The following EEF1AKMT2 variants were observed in gnomAD, a reference collection of about 807,000 sequenced individuals.
The protein encoded by EEF1AKMT2 is EEF1A lysine methyltransferase 2, also known as eukaryotic translation elongation factor 1 alpha lysine methyltransferase 2.
EEF1AKMT2 carries 32 observed loss-of-function variants against 35.8 expected under a neutral mutation model. That is an observed-to-expected ratio of 0.89 (90% CI 0.67 to 1.20). The LOEUF (loss-of-function observed/expected upper bound fraction) is 1.20. EEF1AKMT2 is among the 50% of genes most tolerant of loss of function. The pLI is 0.00. For synonymous variants in EEF1AKMT2, 121 were observed against 133.7 expected (o/e 0.91, Z 0.65); for missense variants, 330 against 347.5 (o/e 0.95, Z 0.40).
At chr10:124,789,759 CTAAAA>C (rs912732729) in intron 2 of EEF1AKMT2, among the ~76,000 whole-genome samples, 1 of 133,042 alleles carries the variant, frequency 7.5e-6, no homozygotes, top group African/African-American at 3.4e-5. Flanking sequence ...CCCCACCTCT[CTAAAA>C]AAAAAAAAAA....
chr10:124,774,330 G>A (rs1230131501), intron 4 of EEF1AKMT2, among the ~76,000 whole-genome samples: 2 of 114,568 alleles, frequency 1.7e-5, no homozygotes, highest in South Asian at 6.1e-4. Flanking sequence ...TGGCGCCACC[G>A]CACTCCAGCC....
At chr10:124,785,986 C>T (rs1033136940) in intron 3 of EEF1AKMT2, among the ~76,000 whole-genome samples, 3 of 150,422 alleles carry the variant, frequency 2.0e-5, no homozygotes, top group Non-Finnish European at 4.4e-5. Flanking sequence ...TAGAGAAATG[C>T]AAATTAAAAC....
Position 124,788,710 on chromosome 10 carries a change from T to TTTTATATATA in EEF1AKMT2, c.291+332_291+333insTATATATAAA, listed in dbSNP as rs1414544581. ...CTACTGGAATTGCAAAAGGTCATCT[T>TTTTATATATA]TATATATATATATATATATGCATTT... On this transcript the variant is annotated intron_variant, in intron 3 of 6. Coordinates refer to ENST00000368836, the MANE Select transcript of EEF1AKMT2 (RefSeq NM_212554.4). Among the ~76,000 whole-genome samples, 14 of 92,570 alleles carry TTTTATATATA rather than the reference T, an allele frequency of 1.5e-4. 1 individual carries two copies. Among genetic ancestry groups the TTTTATATATA allele is most frequent in the African/African-American group, 4.4e-4 (13 of 29,720 alleles). 60.7% of individuals were successfully genotyped at this position (92,570 alleles called of 152,430 possible).
At chr10:124,775,035 T>C (rs1950476887) in intron 3 of EEF1AKMT2, 1 of 179,132 alleles carries the variant, frequency 5.6e-6, no homozygotes, top group African/African-American at 2.3e-5. Flanking sequence ...TCAAAAATAA[T>C]GAAAATATAT....
intron 3 of EEF1AKMT2, among the ~76,000 whole-genome samples, chr10:124,782,396 C>A (rs1273155933): frequency 6.6e-6 from 1 of 151,864 alleles, no homozygotes; most frequent in East Asian, 1.9e-4. Flanking sequence ...TCCTGGCTAA[C>A]ACGGTGAAAC....
intron 4 of EEF1AKMT2, among the ~76,000 whole-genome samples, chr10:124,769,946 CAAAA>C (rs71484588): frequency 3.7e-4 from 22 of 60,212 alleles, no homozygotes; most frequent in Admixed American, 3.1e-3. Flanking sequence ...AACTCCATCT[CAAAA>C]AAAAAAAAAA....
chr10:124,764,405 A>G (rs746347978), intron 5 of EEF1AKMT2, among the ~76,000 whole-genome samples: 1 of 152,186 alleles, frequency 6.6e-6, no homozygotes, highest in Non-Finnish European at 1.5e-5. Context: ...CCTGTGCACT[A>G]CATAAAAAAC....
intron 5 of EEF1AKMT2, 86 bp downstream of exon 5, chr10:124,765,306 C>T: frequency 1.8e-6 from 2 of 1,116,278 alleles, no homozygotes; most frequent in Non-Finnish European, 1.3e-6. Flanking sequence ...AAAAGTAAAA[C>T]ACTATAACAC....
At position 124,762,521 on chromosome 10, in the gene EEF1AKMT2, G is replaced by A. The variant is rs1197641009; in HGVS notation, c.654C>T (p.Ala218=). Residue 218 remains alanine, a synonymous_variant, in exon 6 of 7, where the codon GCC becomes GCT. Coordinates refer to ENST00000368836, the MANE Select transcript of EEF1AKMT2 (RefSeq NM_212554.4). ...STVAGFWLTA[A]LTSWAQAIFS... is the part of the protein sequence containing the mutation. ...AGATCGCTTGAGCCCAGGAAGTCAA[G>A]GCTGCAGTGAGCCAAAATCCTGCCA... 3.1e-6 allele frequency: 4 copies of A among 1,273,048 alleles called. No homozygotes were observed. The highest frequency in any genetic ancestry group is 4.1e-6 in the Non-Finnish European group (4 of 969,408). The allele number at this position is 1,273,048 out of a possible 1,614,324, so 78.9% of individuals were successfully genotyped here.
chr10:124,759,135 A>C lies in EEF1AKMT2; in HGVS notation c.*1368T>G. On this transcript the variant is annotated 3_prime_UTR_variant, in exon 7 of 7. Coordinates refer to ENST00000368836, the MANE Select transcript of EEF1AKMT2 (RefSeq NM_212554.4). ...CTGAAAATCATCAAAAAATTATGCA[A>C]AAATTTGTATTTAGCTCCAATATTA... is the stretch of plus-strand genomic sequence containing the variant. 1 of 152,236 alleles carries C rather than the reference A, an allele frequency of 6.6e-6. No individual in the cohort carries two copies. Among genetic ancestry groups the C allele is most frequent in the East Asian group, 1.9e-4 (1 of 5,206 alleles). 9.4% of individuals were successfully genotyped at this position (152,236 alleles called of 1,614,324 possible). A position where few individuals can be genotyped will look rare whatever the true frequency, so the allele number is the denominator to read the frequency against.
At chr10:124,771,652 C>G (rs1950437597) in intron 4 of EEF1AKMT2, among the ~76,000 whole-genome samples, 1 of 151,912 alleles carries the variant, frequency 6.6e-6, no homozygotes, top group Admixed American at 6.6e-5. Context: ...GGCGGATCAC[C>G]AGGTCAGGAG....
chr10:124,760,869 G>T (rs965222853), intron 6 of EEF1AKMT2, among the ~76,000 whole-genome samples: 3 of 152,124 alleles, frequency 2.0e-5, no homozygotes, highest in Non-Finnish European at 4.4e-5. Context: ...GAGTTTTTTT[G>T]TTTGTTTGTT....
intron 3 of EEF1AKMT2, among the ~76,000 whole-genome samples, chr10:124,783,988 C>G (rs1316854843): frequency 6.6e-6 from 1 of 152,154 alleles, no homozygotes; most frequent in Non-Finnish European, 1.5e-5. Context: ...CCACGCCCAA[C>G]CAATTTTATA....
At chr10:124,761,861 G>A (rs780588526) in intron 6 of EEF1AKMT2, among the ~76,000 whole-genome samples, 45 of 152,220 alleles carry the variant, frequency 3.0e-4, no homozygotes, top group Non-Finnish European at 3.7e-4. Context: ...GATGGAGGCT[G>A]TGGTAAGCCG....
rs901670746 is a variant in EEF1AKMT2 at position 124,791,808 on chromosome 10, C to A, written c.26G>T (p.Gly9Val). Residue 9 changes from glycine to valine, a missense_variant, in exon 1 of 7, where the codon GGT (glycine) becomes GTT (valine). Physicochemically the swap from Gly to Val is moderately radical, Grantham distance 109. Coordinates refer to ENST00000368836, the MANE Select transcript of EEF1AKMT2 (RefSeq NM_212554.4). ...CGACCGCGCCGCCACCGCAGCGCCA[C>A]CGCCGCCGTCAGCGCCCGAGCTCAT... MSSGADGGGGAAVAARSDK... is the reference protein window; with the variant it reads MSSGADGGVGAAVAARSDK... 2 of 1,586,624 alleles carry A rather than the reference C, an allele frequency of 1.3e-6. No homozygotes were observed. The highest frequency in any genetic ancestry group is 1.7e-6 in the Non-Finnish European group (2 of 1,172,014).
At chr10:124,768,703 T>C (rs1489503696) in intron 4 of EEF1AKMT2, among the ~76,000 whole-genome samples, 1 of 151,994 alleles carries the variant, frequency 6.6e-6, no homozygotes. Context: ...TGAGCCAGGA[T>C]GGTGCCACTG....
At chr10:124,781,170 T>C (rs1007506404) in intron 3 of EEF1AKMT2, among the ~76,000 whole-genome samples, 18 of 151,952 alleles carry the variant, frequency 1.2e-4, no homozygotes, top group African/African-American at 3.9e-4. Context: ...GGTCTCGATC[T>C]CCCGACCTCG....
At chr10:124,780,533 T>C (rs1950530987) in intron 3 of EEF1AKMT2, among the ~76,000 whole-genome samples, 2 of 152,258 alleles carry the variant, frequency 1.3e-5, no homozygotes, top group African/African-American at 2.4e-5. Context: ...GACAGATCAA[T>C]TGAAATATAA....
At chr10:124,786,662 A>C (rs1950586950) in intron 3 of EEF1AKMT2, among the ~76,000 whole-genome samples, 1 of 148,822 alleles carries the variant, frequency 6.7e-6, no homozygotes, top group South Asian at 2.1e-4. Context: ...CAAATACAAA[A>C]ATTAACCAGG....
Sources: gnomAD v4.1 joint callset for allele counts (sites outside exome capture counted in the v4.1 genomes callset) on GRCh38, gnomAD v4.1.1 for gene constraint, MANE v1.5 for transcripts, NCBI Gene and HGNC (gene_info 2026-07-23, HGNC 2026-07-21) for gene names.